PTPRM: variants seen among roughly 807,000 people sequenced by gnomAD.
The protein encoded by PTPRM is protein tyrosine phosphatase receptor type M.
Under a neutral mutation model 186.7 loss-of-function variants are expected in PTPRM, and 47 were observed. That is an observed-to-expected ratio of 0.25 (90% CI 0.20 to 0.32). The LOEUF (loss-of-function observed/expected upper bound fraction) is 0.32. Among genes scored for constraint, PTPRM ranks in the 10% least tolerant of loss-of-function variants. The probability of loss-of-function intolerance (pLI) is 1.00; values close to 1 mark genes in which losing one functional copy is unlikely to be tolerated. For synonymous variants in PTPRM, 668 were observed against 674.9 expected (o/e 0.99, Z 0.16); for missense variants, 1,494 against 1,865.0 (o/e 0.80, Z 3.66).
intron 1 of PTPRM, among the ~76,000 whole-genome samples, chr18:7,608,142 CT>C (rs1274837065): frequency 6.6e-6 from 1 of 152,186 alleles, no homozygotes; most frequent in Non-Finnish European, 1.5e-5. Flanking sequence ...CGAACAACTC[CT>C]TTCTTTCTGA....
intron 2 of PTPRM, among the ~76,000 whole-genome samples, chr18:7,812,157 C>G (rs1033457374): frequency 1.3e-5 from 2 of 152,222 alleles, no homozygotes; most frequent in Non-Finnish European, 1.5e-5. Flanking sequence ...ATGAAGTAGG[C>G]ATTACTGAGT....
rs546127769 is a variant in PTPRM at position 8,282,668 on chromosome 18, A to G, written c.2755-13700A>G. ...CAAGAGCTAAACCCTGTCGCAAAAA[A>G]CAACAGCAACAATAACAACAACAAC... On this transcript the variant is annotated intron_variant, in intron 19 of 32. Transcript: ENST00000580170. 3.3e-5 allele frequency among the ~76,000 whole-genome samples: 5 copies of G among 152,258 alleles called. No individual in the cohort carries two copies. In the East Asian group the frequency reaches 9.7e-4, roughly 29 times the overall value.
chr18:8,289,571 T>C lies in PTPRM; in HGVS notation c.2755-6797T>C, dbSNP rs1185938156. Among the ~76,000 whole-genome samples, 92 of 123,632 alleles carry C rather than the reference T, an allele frequency of 7.4e-4. 4 individuals are homozygous for C. Among genetic ancestry groups the C allele is most frequent in the African/African-American group, 2.7e-3 (72 of 26,990 alleles). 81.1% of individuals were successfully genotyped at this position (123,632 alleles called of 152,430 possible). On this transcript the variant is annotated intron_variant, in intron 19 of 32. Transcript: ENST00000580170. ...ATATACATATATATACACATATATATATATACATATATATATACACATATA... is the reference window on the plus strand; with the variant it reads ...ATATACATATATATACACATATATACATATACATATATATATACACATATA...
At position 8,026,843 on chromosome 18, in the gene PTPRM, G is replaced by A. The variant is rs111311710; in HGVS notation, c.1133-42843G>A. Among the ~76,000 whole-genome samples the A allele has an allele frequency of 3.9e-3, 591 of 151,828 alleles. 2 individuals are homozygous for A. The highest frequency in any genetic ancestry group is 5.9e-3 in the Non-Finnish European group (400 of 67,968). On this transcript the variant is annotated intron_variant, in intron 7 of 32. Transcript: ENST00000580170. ...ACGGCACTCCAGCCTGGGCAACAGA[G>A]TGAAACTCCATCTCAAAAAAAAAAA...
At chr18:8,314,581 T>C (rs2095294634) in intron 20 of PTPRM, among the ~76,000 whole-genome samples, 200 bp from the exon 21 acceptor site, 1 of 152,252 alleles carries the variant, frequency 6.6e-6, no homozygotes, top group African/African-American at 2.4e-5. Flanking sequence ...TGAGATTTAC[T>C]GTAAAATGTT....
intron 1 of PTPRM, among the ~76,000 whole-genome samples, chr18:7,602,888 A>T (rs1046989151): frequency 6.9e-6 from 1 of 145,104 alleles, no homozygotes; most frequent in East Asian, 2.0e-4. Flanking sequence ...GAAAATATCT[A>T]AGAACGATGT....
intron 7 of PTPRM, among the ~76,000 whole-genome samples, chr18:8,063,191 G>A (rs1352931422): frequency 2.0e-5 from 3 of 151,382 alleles, no homozygotes; most frequent in Non-Finnish European, 4.4e-5. Flanking sequence ...TCTGAAAAGC[G>A]CAGTATTCGG....
chr18:7,709,648 T>C (rs961418998), intron 1 of PTPRM, among the ~76,000 whole-genome samples: 7 of 152,064 alleles, frequency 4.6e-5, no homozygotes, highest in African/African-American at 1.7e-4. Flanking sequence ...CCAAAATTGA[T>C]ATATCATTAG....
At chr18:7,636,290 G>A (rs556366331) in intron 1 of PTPRM, among the ~76,000 whole-genome samples, 6 of 152,232 alleles carry the variant, frequency 3.9e-5, no homozygotes, top group African/African-American at 1.4e-4. Context: ...AGAGGAGATA[G>A]CTTGCTTTTT....
At chr18:8,394,686 A>C in intron 32 of PTPRM, 75 bp downstream of exon 32, 1 of 1,422,536 alleles carries the variant, frequency 7.0e-7, no homozygotes, top group Non-Finnish European at 9.4e-7. Flanking sequence ...CCAGATTTGC[A>C]GGGAAACTGA....
chr18:7,628,586 T>C (rs58075656), intron 1 of PTPRM, among the ~76,000 whole-genome samples: 13,048 of 152,260 alleles, frequency 0.086, 802 homozygotes, highest in South Asian at 0.2. Context: ...TGTGCTTTAA[T>C]TTAAAGGAAA....
chr18:7,611,900 T>G (rs1450429536), intron 1 of PTPRM, among the ~76,000 whole-genome samples: 2 of 152,204 alleles, frequency 1.3e-5, no homozygotes, highest in Non-Finnish European at 2.9e-5. Flanking sequence ...TTGCCCAGTC[T>G]TGGGTATGTC....
At chr18:8,204,756 C>A (rs1387114304) in intron 14 of PTPRM, among the ~76,000 whole-genome samples, 1 of 150,870 alleles carries the variant, frequency 6.6e-6, no homozygotes, top group Admixed American at 6.6e-5. Context: ...TATATGGTAA[C>A]TAAAAAAACA....
At chr18:7,577,168 G>T (rs565691534) in intron 1 of PTPRM, among the ~76,000 whole-genome samples, 11 of 152,204 alleles carry the variant, frequency 7.2e-5, no homozygotes, top group African/African-American at 2.4e-4. Flanking sequence ...TTAGTGCCTG[G>T]TGCCATTAGC....
intron 13 of PTPRM, among the ~76,000 whole-genome samples, chr18:8,138,660 G>A (rs763801664): frequency 1.6e-4 from 25 of 152,108 alleles, no homozygotes; most frequent in Non-Finnish European, 1.0e-4. Context: ...TGCTGCGTGT[G>A]TGGCTTTCTG....
At chr18:7,672,714 C>T (rs770304057) in intron 1 of PTPRM, among the ~76,000 whole-genome samples, 4 of 152,114 alleles carry the variant, frequency 2.6e-5, no homozygotes, top group Non-Finnish European at 4.4e-5. Flanking sequence ...AATAGAGGGG[C>T]GACTCTCTCT....
intron 2 of PTPRM, among the ~76,000 whole-genome samples, chr18:7,850,880 A>G (rs1292206184): frequency 6.6e-6 from 1 of 152,246 alleles, no homozygotes; most frequent in African/African-American, 2.4e-5. Flanking sequence ...TCAGTAGCAC[A>G]AAAAGTATAC....
intron 5 of PTPRM, among the ~76,000 whole-genome samples, chr18:7,948,668 A>G (rs1020638992): frequency 5.9e-5 from 9 of 152,202 alleles, no homozygotes; most frequent in African/African-American, 1.9e-4. Context: ...GAAGAACGTC[A>G]AAAGGGTTGA....
chr18:8,270,710 A>T (rs1438065958), intron 19 of PTPRM, among the ~76,000 whole-genome samples: 1 of 152,188 alleles, frequency 6.6e-6, no homozygotes, highest in Non-Finnish European at 1.5e-5. Context: ...TTGCAGCAAC[A>T]TGAATGAACC....
Sources: allele counts gnomAD v4.1 joint callset (sites outside exome capture counted in the v4.1 genomes callset), GRCh38; gene constraint gnomAD v4.1.1; transcripts MANE v1.5; gene names NCBI Gene and HGNC (gene_info 2026-07-23, HGNC 2026-07-21).